Variants in ALDH1L1 observed in about 807,000 individuals in gnomAD.
ALDH1L1 encodes aldehyde dehydrogenase 1 family member L1, also known as cytosolic 10-formyltetrahydrofolate dehydrogenase.
ALDH1L1 carries 68 observed loss-of-function variants against 101.1 expected under a neutral mutation model. The observed-to-expected ratio is 0.67, with a 90% confidence interval of 0.55 to 0.82. The LOEUF is 0.82. ALDH1L1 is among the 40% of genes least tolerant of loss of function. The pLI, the probability that ALDH1L1 is intolerant of heterozygous loss-of-function variation, is 0.00. For synonymous variants in ALDH1L1, 486 were observed against 470.8 expected (o/e 1.03, Z -0.42); for missense variants, 1,087 against 1,172.7 (o/e 0.93, Z 1.07).
chr3:126,131,164 G>A (rs946830437), intron 13 of ALDH1L1, among the ~76,000 whole-genome samples: 1 of 152,200 alleles, frequency 6.6e-6, no homozygotes, highest in Non-Finnish European at 1.5e-5. Flanking sequence ...TCCAGCCAGC[G>A]CCTTAGCTTT....
chr3:126,169,504 C>G (rs2081232361), intron 1 of ALDH1L1, among the ~76,000 whole-genome samples: 2 of 152,182 alleles, frequency 1.3e-5, no homozygotes, highest in Non-Finnish European at 2.9e-5. Flanking sequence ...CAATGAAACC[C>G]TTGGAAAACT....
At chr3:126,143,580 G>A (rs1019753620) in intron 9 of ALDH1L1, among the ~76,000 whole-genome samples, 18 of 152,140 alleles carry the variant, frequency 1.2e-4, no homozygotes, top group African/African-American at 4.1e-4. Context: ...AAGGCAATTA[G>A]GCAAGAAAGA....
chr3:126,130,573 C>T (rs1317682), intron 13 of ALDH1L1, among the ~76,000 whole-genome samples: 96,661 of 152,132 alleles, frequency 0.64, 30,808 homozygotes, highest in Middle Eastern at 0.7. Context: ...GGGGCAGGGC[C>T]GGGTGTCCCC....
intron 22 of ALDH1L1, 38 bp from the exon 23 acceptor site, chr3:126,103,884 C>T (rs909403245): frequency 6.2e-7 from 1 of 1,606,100 alleles, no homozygotes; most frequent in African/African-American, 1.3e-5. Context: ...GCTCCCACCA[C>T]AGGCAGGGCA....
chr3:126,144,441 T>A (rs1162901770), intron 9 of ALDH1L1, among the ~76,000 whole-genome samples: 1 of 152,208 alleles, frequency 6.6e-6, no homozygotes, highest in African/African-American at 2.4e-5. Flanking sequence ...GACTCACATT[T>A]CCTGATTTCA....
chr3:126,118,516 G>A (rs907439829), intron 16 of ALDH1L1, among the ~76,000 whole-genome samples: 3 of 152,112 alleles, frequency 2.0e-5, no homozygotes, highest in Admixed American at 6.5e-5. Context: ...AGAAGCTGAC[G>A]CTGCTGACAC....
chr3:126,122,295 A>C (rs139066604), intron 16 of ALDH1L1, among the ~76,000 whole-genome samples: 1 of 152,364 alleles, frequency 6.6e-6, no homozygotes, highest in East Asian at 1.9e-4. Flanking sequence ...TACAGTATCA[A>C]TGCATATTTT....
intron 9 of ALDH1L1, among the ~76,000 whole-genome samples, chr3:126,139,014 C>T (rs1486610791): frequency 6.6e-6 from 1 of 152,232 alleles, no homozygotes. Context: ...CCCCACCTCC[C>T]ACCTCTGCCA....
intron 8 of ALDH1L1, among the ~76,000 whole-genome samples, chr3:126,148,189 C>T (rs1422143215): frequency 6.6e-6 from 1 of 152,160 alleles, no homozygotes; most frequent in Non-Finnish European, 1.5e-5. Context: ...ACCACAAAGC[C>T]AAAGCCCACC....
chr3:126,149,412 AC>A (rs749912901), intron 8 of ALDH1L1, among the ~76,000 whole-genome samples: 1 of 152,112 alleles, frequency 6.6e-6, no homozygotes, highest in Non-Finnish European at 1.5e-5. Flanking sequence ...ACAAACGATG[AC>A]CCCAGCTCAT....
intron 15 of ALDH1L1, among the ~76,000 whole-genome samples, chr3:126,125,325 T>G (rs2080159664): frequency 6.6e-6 from 1 of 152,126 alleles, no homozygotes; most frequent in Non-Finnish European, 1.5e-5. Context: ...GCCCCATGAA[T>G]CCAGAGTGCA....
intron 1 of ALDH1L1, among the ~76,000 whole-genome samples, chr3:126,162,588 G>A (rs1204823420): frequency 1.3e-5 from 2 of 152,042 alleles, no homozygotes; most frequent in African/African-American, 2.4e-5. Context: ...TCTAGACTTT[G>A]AGCTCTTTGT....
chr3:126,128,035 G>T (rs1341361857), intron 14 of ALDH1L1, among the ~76,000 whole-genome samples: 1 of 152,144 alleles, frequency 6.6e-6, no homozygotes, highest in Non-Finnish European at 1.5e-5. Flanking sequence ...GCATGAGGGT[G>T]GAGGGCCTGG....
At chr3:126,135,460 C>T in intron 12 of ALDH1L1, 75 bp downstream of exon 12, 1 of 1,553,710 alleles carries the variant, frequency 6.4e-7, no homozygotes. Flanking sequence ...AAAGGGCCTC[C>T]ACAGAAGTCC....
intron 14 of ALDH1L1, among the ~76,000 whole-genome samples, chr3:126,127,912 T>C (rs146406841): frequency 6.6e-6 from 1 of 152,192 alleles, no homozygotes; most frequent in East Asian, 1.9e-4. Flanking sequence ...AATGAGATTA[T>C]AGATTAGAGA....
chr3:126,192,589 C>T (rs776069575), intron 1 of ALDH1L1, among the ~76,000 whole-genome samples: 8 of 152,158 alleles, frequency 5.3e-5, no homozygotes, highest in Non-Finnish European at 1.0e-4. Context: ...TCATATGCCT[C>T]TTTAGCTTAG....
intron 1 of ALDH1L1, among the ~76,000 whole-genome samples, chr3:126,170,685 C>T (rs1270634455): frequency 1.3e-5 from 2 of 152,170 alleles, no homozygotes; most frequent in African/African-American, 4.8e-5. Context: ...CCCTCTTGTC[C>T]TTTTATAACC....
intron 13 of ALDH1L1, among the ~76,000 whole-genome samples, chr3:126,130,766 G>A (rs1416434341): frequency 6.6e-6 from 1 of 152,210 alleles, no homozygotes; most frequent in Non-Finnish European, 1.5e-5. Flanking sequence ...TGGCAGAGAC[G>A]CCATGAGTCC....
chr3:126,159,672 T>A (rs1435723704), intron 2 of ALDH1L1: 1 of 385,586 alleles, frequency 2.6e-6, no homozygotes, highest in Admixed American at 3.0e-5. Context: ...ACATCTGAGA[T>A]CAAGGCCAAG....
Sources: gnomAD v4.1 joint callset for allele counts (sites outside exome capture counted in the v4.1 genomes callset) on GRCh38, gnomAD v4.1.1 for gene constraint, MANE v1.5 for transcripts, NCBI Gene and HGNC (gene_info 2026-07-23, HGNC 2026-07-21) for gene names.